Variants in NUP98 observed in about 807,000 individuals in gnomAD.
The protein encoded by NUP98 is nuclear pore complex protein Nup98-Nup96.
NUP98 carries 26 observed loss-of-function variants against 191.9 expected under a neutral mutation model. The ratio of observed to expected loss-of-function variants is 0.14; its 90% CI spans 0.10 to 0.19. NUP98 has a LOEUF of 0.19. NUP98 is among the 10% of genes least tolerant of loss of function. The pLI is 1.00. For synonymous variants in NUP98, 808 were observed against 778.4 expected (o/e 1.04, Z -0.63); for missense variants, 1,941 against 2,178.8 (o/e 0.89, Z 2.17).
chr11:3,696,707 G>A (rs1016007761), intron 25 of NUP98: 15 of 152,414 alleles, frequency 9.8e-5, no homozygotes, highest in Admixed American at 7.9e-4. Context: ...CTACTCAGGA[G>A]GCTGAGGCAG....
chr11:3,717,921 A>G (rs2079244693), intron 18 of NUP98, among the ~76,000 whole-genome samples: 1 of 152,188 alleles, frequency 6.6e-6, no homozygotes, highest in Non-Finnish European at 1.5e-5. Context: ...TGCATTCCAG[A>G]ATAAATCTTT....
intron 9 of NUP98, among the ~76,000 whole-genome samples, chr11:3,760,938 TC>T (rs1296249101): frequency 1.3e-5 from 2 of 152,170 alleles, no homozygotes; most frequent in East Asian, 3.9e-4. Flanking sequence ...CCATCAAATA[TC>T]TTTTTACCTG....
chr11:3,694,841 A>G (rs1414824420), intron 26 of NUP98, among the ~76,000 whole-genome samples: 2 of 152,192 alleles, frequency 1.3e-5, no homozygotes, highest in South Asian at 2.1e-4. Flanking sequence ...CCTTTAGGCC[A>G]GGAGTTCAAG....
At chr11:3,737,175 ATAC>A (rs1045516361) in intron 12 of NUP98, among the ~76,000 whole-genome samples, 3 of 152,194 alleles carry the variant, frequency 2.0e-5, no homozygotes, top group African/African-American at 4.8e-5. Flanking sequence ...ACAGACAAAA[ATAC>A]TACCTTTTTC....
chr11:3,796,349 CCTAA>C (rs894094085), intron 1 of NUP98, among the ~76,000 whole-genome samples: 7 of 152,144 alleles, frequency 4.6e-5, no homozygotes, highest in African/African-American at 1.7e-4. Flanking sequence ...GTTATAAATC[CCTAA>C]CTGACTCCGA....
rs201879606 is a variant in NUP98, at chr11:3,683,371, C to T, written c.4747G>A (p.Ala1583Thr). ...TTCTGGGTAAGGAAAGTCTCTTTAGCCCAAGATTCAGGGGTCTCCAACAGC... is the reference window on the plus strand; with the variant it reads ...TTCTGGGTAAGGAAAGTCTCTTTAGTCCAAGATTCAGGGGTCTCCAACAGC... ...CQLLETPESW[A>T]KETFLTQKLR... is the part of the protein sequence containing the mutation. The change falls in exon 30 of 33, where the codon GCT becomes ACT. Residue 1583 changes from alanine to threonine, a missense_variant. This residue lies in a region of NUP98 where 1,030 missense variants were observed against 1,115.8 expected (regional missense o/e 0.92). Coordinates refer to ENST00000324932, the MANE Select transcript of NUP98 (RefSeq NM_016320.5). 1.2e-5 allele frequency: 20 copies of T among 1,614,030 alleles called. No homozygotes were observed. The highest frequency in any genetic ancestry group is 4.4e-5 in the South Asian group (4 of 91,090).
intron 4 of NUP98, among the ~76,000 whole-genome samples, chr11:3,778,623 C>T (rs1361280561): frequency 1.3e-5 from 2 of 152,200 alleles, no homozygotes; most frequent in East Asian, 1.9e-4. Context: ...CATTTTGCAT[C>T]AGGAAGCTCT....
chr11:3,695,621 G>C lies in NUP98; in HGVS notation c.4010-15C>G, dbSNP rs910371617. On this transcript the variant is annotated splice_polypyrimidine_tract_variant and intron_variant, in intron 25 of 32. Transcript: ENST00000324932. The stretch of plus-strand genomic sequence containing the variant: ...ACGATGATCCCCTATAAGAGAAATG[G>C]AAGTTTTTTGGTTATTACTAAGGGT... The C allele has an allele frequency of 6.5e-7, 1 of 1,534,202 alleles. No homozygotes were observed. The highest frequency in any genetic ancestry group is 2.4e-5 in the East Asian group (1 of 42,466).
At chr11:3,770,282 G>A (rs2081483746) in intron 7 of NUP98, among the ~76,000 whole-genome samples, 1 of 151,994 alleles carries the variant, frequency 6.6e-6, no homozygotes, top group African/African-American at 2.4e-5. Flanking sequence ...GGAATTGGAG[G>A]TTGCACTGCA....
At chr11:3,682,612 C>A (rs1159009697) in intron 30 of NUP98, among the ~76,000 whole-genome samples, 1 of 152,126 alleles carries the variant, frequency 6.6e-6, no homozygotes, top group Non-Finnish European at 1.5e-5. Context: ...GTTGGTGGCA[C>A]CCCAAAACAA....
chr11:3,755,324 T>G (rs1179461851), intron 10 of NUP98, among the ~76,000 whole-genome samples: 1 of 149,870 alleles, frequency 6.7e-6, no homozygotes, highest in African/African-American at 2.4e-5. Context: ...ATTAGCTGGC[T>G]GTGGTGGTGC....
chr11:3,722,170 GTGGCATAATCATAGCTCACTGCAACCT>G (rs2079428465), intron 16 of NUP98, among the ~76,000 whole-genome samples: 1 of 139,790 alleles, frequency 7.2e-6, no homozygotes, highest in Non-Finnish European at 1.5e-5. Flanking sequence ...CTGGAGTTCA[GTGGCATAATCATAGCTCACTGCAACCT>G]TGAATCCTGG....
intron 31 of NUP98, among the ~76,000 whole-genome samples, chr11:3,677,695 C>T (rs1017573953): frequency 4.6e-5 from 7 of 152,154 alleles, no homozygotes; most frequent in African/African-American, 1.7e-4. Context: ...CACTACAGTG[C>T]TTGGCATACA....
At position 3,720,844 on chromosome 11, in the gene NUP98, AAAAAACAG is replaced by A; in HGVS notation, c.2147-27_2147-20del. ...ATAATACCTGTGACAAAAAAAAAAA[AAAAAACAG>A]AAAAAAAAATAACCTGAAATAATCA... On this transcript the variant is annotated intron_variant, in intron 16 of 32. Coordinates refer to ENST00000324932, the MANE Select transcript of NUP98 (RefSeq NM_016320.5). 1 of 964,730 alleles carries A rather than the reference AAAAAACAG, an allele frequency of 1.0e-6. No homozygotes were observed. Among genetic ancestry groups the A allele is most frequent in the South Asian group, 1.4e-5 (1 of 69,700 alleles). 59.8% of individuals were successfully genotyped at this position (964,730 alleles called of 1,614,324 possible). A position where few individuals can be genotyped will look rare whatever the true frequency, so the allele number is the denominator to read the frequency against.
At chr11:3,722,271 C>T (rs1364494462) in intron 16 of NUP98, among the ~76,000 whole-genome samples, 4 of 151,594 alleles carry the variant, frequency 2.6e-5, no homozygotes, top group Non-Finnish European at 4.4e-5. Context: ...TGCCACCACA[C>T]CTGGCTAATT....
At chr11:3,694,093 C>T (rs996868669) in intron 26 of NUP98, among the ~76,000 whole-genome samples, 11 of 150,380 alleles carry the variant, frequency 7.3e-5, no homozygotes, top group African/African-American at 2.4e-4. Flanking sequence ...AAAAAAAGGC[C>T]GGGTGCAGTG....
At chr11:3,742,714 A>C (rs903198688) in intron 12 of NUP98, among the ~76,000 whole-genome samples, 2 of 151,790 alleles carry the variant, frequency 1.3e-5, no homozygotes, top group African/African-American at 4.8e-5. Context: ...AAAAAAAAAA[A>C]AAAAAGATGA....
intron 26 of NUP98, 55 bp from the exon 27 acceptor site, chr11:3,693,430 TGTGC>T: frequency 6.4e-7 from 1 of 1,553,796 alleles, no homozygotes; most frequent in Non-Finnish European, 8.9e-7. Flanking sequence ...ATTACCTGTG[TGTGC>T]AATAACACTG....
chr11:3,735,269 G>T lies in NUP98; in HGVS notation c.1464C>A (p.Ile488=), dbSNP rs1370127853. The change falls in exon 13 of 33, where the codon ATC becomes ATA. Residue 488 remains isoleucine (I), a synonymous_variant. Coordinates refer to ENST00000324932, the MANE Select transcript of NUP98 (RefSeq NM_016320.5). ...CAAAAGGTGAGTATGTTAGACTATT[G>T]ATGTGCTGCTGGAGAACAGCCTGCT... ...AAQQAVLQQH[I]NSLTYSPFGD... 6.3e-7 allele frequency: 1 copy of T among 1,592,118 alleles called. No individual in the cohort carries two copies. The highest frequency in any genetic ancestry group is 2.2e-5 in the East Asian group (1 of 44,666).
Sources: allele counts gnomAD v4.1 joint callset (sites outside exome capture counted in the v4.1 genomes callset), GRCh38; gene constraint gnomAD v4.1.1; regional missense constraint gnomAD v4.1.1; transcripts MANE v1.5; gene names NCBI Gene and HGNC (gene_info 2026-07-23, HGNC 2026-07-21).